The following ADAMTS6 variants were observed in gnomAD, a reference collection of about 807,000 sequenced individuals.
The protein encoded by ADAMTS6 is A disintegrin and metalloproteinase with thrombospondin motifs 6.
A neutral mutation model predicts 144.3 loss-of-function variants in ADAMTS6; 23 were observed. That is an observed-to-expected ratio of 0.16 (90% confidence interval 0.11 to 0.23). The LOEUF (loss-of-function observed/expected upper bound fraction) is 0.23. Ranked by LOEUF, ADAMTS6 falls within the 10% of genes least tolerant of loss-of-function variation. ADAMTS6 has a pLI of 1.00. For synonymous variants in ADAMTS6, 444 were observed against 457.5 expected (o/e 0.97, Z 0.38); for missense variants, 999 against 1,379.6 (o/e 0.72, Z 4.37).
chr5:65,210,502 G>T, intron 20 of ADAMTS6: 1 of 331,602 alleles, frequency 3.0e-6, no homozygotes. Flanking sequence ...GTTGATTGGA[G>T]ATGAATATAA....
intron 7 of ADAMTS6, among the ~76,000 whole-genome samples, chr5:65,400,870 C>G (rs564269801): frequency 6.6e-6 from 1 of 152,172 alleles, no homozygotes; most frequent in African/African-American, 2.4e-5. Context: ...TCCGTTACAG[C>G]GTTTTTGATC....
intron 7 of ADAMTS6, among the ~76,000 whole-genome samples, chr5:65,413,350 C>G (rs540307463): frequency 2.6e-4 from 39 of 152,238 alleles, no homozygotes; most frequent in Admixed American, 4.6e-4. Context: ...ACAGTTTTCC[C>G]AGGCAATTTT....
intron 7 of ADAMTS6, among the ~76,000 whole-genome samples, chr5:65,396,294 A>G (rs778117112): frequency 1.3e-5 from 2 of 152,204 alleles, no homozygotes; most frequent in Non-Finnish European, 2.9e-5. Flanking sequence ...AACCCTTTTA[A>G]TAATTATTGC....
At chr5:65,431,017 T>A (rs538135787) in intron 7 of ADAMTS6, among the ~76,000 whole-genome samples, 3 of 152,312 alleles carry the variant, frequency 2.0e-5, no homozygotes, top group South Asian at 4.1e-4. Context: ...TATCACTTAT[T>A]CAGTTGTATA....
chr5:65,159,746 C>G (rs1264027201), intron 24 of ADAMTS6, among the ~76,000 whole-genome samples: 2 of 152,192 alleles, frequency 1.3e-5, no homozygotes, highest in African/African-American at 4.8e-5. Flanking sequence ...CGTTCATAGT[C>G]TTGGTGCCTA....
chr5:65,199,730 C>CTCAT (rs1002733860), intron 20 of ADAMTS6, among the ~76,000 whole-genome samples: 16 of 152,198 alleles, frequency 1.1e-4, no homozygotes, highest in East Asian at 3.9e-4. Flanking sequence ...CATTCATTTA[C>CTCAT]TCATTCATTC....
At chr5:65,354,558 T>C (rs1200028738) in intron 7 of ADAMTS6, among the ~76,000 whole-genome samples, 2 of 151,866 alleles carry the variant, frequency 1.3e-5, no homozygotes, top group African/African-American at 4.8e-5. Flanking sequence ...TTATTAGATA[T>C]GGCTAATTCA....
At chr5:65,302,225 T>C (rs549556330) in intron 9 of ADAMTS6, among the ~76,000 whole-genome samples, 302 of 144,620 alleles carry the variant, frequency 2.1e-3, no homozygotes, top group African/African-American at 7.2e-3. Flanking sequence ...TATATACTTA[T>C]ACATATAATT....
chr5:65,426,105 G>A (rs1327727894), intron 7 of ADAMTS6, among the ~76,000 whole-genome samples: 2 of 149,328 alleles, frequency 1.3e-5, no homozygotes, highest in Admixed American at 6.7e-5. Flanking sequence ...AGAGTGCAAT[G>A]GTGCAATCTT....
chr5:65,356,105 T>C (rs773976343), intron 7 of ADAMTS6, among the ~76,000 whole-genome samples: 2 of 151,816 alleles, frequency 1.3e-5, no homozygotes, highest in Non-Finnish European at 3.0e-5. Flanking sequence ...GACATATTGT[T>C]AGACTACATT....
In ADAMTS6 at chr5:65,471,159, C is replaced by T. The variant is rs1315417983; in HGVS notation, c.98-17G>A. On this transcript the variant is annotated splice_polypyrimidine_tract_variant and intron_variant, in intron 2 of 24. Coordinates refer to ENST00000381055, the MANE Select transcript of ADAMTS6 (RefSeq NM_197941.4). ...GGAATTCCTCTTTGTAATCACAAGG[C>T]AGAGAATCCAGAAAAAAAACACATG... The T allele has an allele frequency of 6.4e-7, 1 of 1,555,274 alleles. No homozygotes were observed. Among genetic ancestry groups the T allele is most frequent in the East Asian group, 2.3e-5 (1 of 42,650 alleles).
chr5:65,406,027 T>C (rs1045519752), intron 7 of ADAMTS6, among the ~76,000 whole-genome samples: 2 of 152,102 alleles, frequency 1.3e-5, no homozygotes, highest in African/African-American at 2.4e-5. Context: ...AGTTGCTTAT[T>C]AGCTTAAGGA....
At chr5:65,293,893 C>T (rs185212232) in intron 10 of ADAMTS6, among the ~76,000 whole-genome samples, 6 of 152,162 alleles carry the variant, frequency 3.9e-5, no homozygotes, top group Non-Finnish European at 7.4e-5. Context: ...TACATTTTTA[C>T]AGAAGAATAA....
In ADAMTS6 at chr5:65,268,789, A is replaced by T. The variant is rs117349976; in HGVS notation, c.1620+4551T>A. Reference sequence around the variant, plus strand: ...AACAGTTCCCATACTTACATGGAACATTTGTGGAACTGCGCCCCTGGGCAG... The same window carrying T: ...AACAGTTCCCATACTTACATGGAACTTTTGTGGAACTGCGCCCCTGGGCAG... On this transcript the variant is annotated intron_variant, in intron 12 of 24. Coordinates refer to ENST00000381055, the MANE Select transcript of ADAMTS6 (RefSeq NM_197941.4). Among the ~76,000 whole-genome samples, 249 of 152,352 alleles carry T rather than the reference A, an allele frequency of 1.6e-3. 4 individuals are homozygous for T. The highest frequency in any genetic ancestry group is 0.014 in the East Asian group (71 of 5,186).
chr5:65,255,445 A>T (rs1017331105), intron 14 of ADAMTS6, among the ~76,000 whole-genome samples: 1 of 151,978 alleles, frequency 6.6e-6, no homozygotes, highest in Non-Finnish European at 1.5e-5. Flanking sequence ...CCATTGCATC[A>T]TTCTTATGCC....
At chr5:65,394,334 A>G (rs963734364) in intron 7 of ADAMTS6, among the ~76,000 whole-genome samples, 2 of 152,216 alleles carry the variant, frequency 1.3e-5, no homozygotes, top group African/African-American at 4.8e-5. Flanking sequence ...CAGCTGCTTC[A>G]GTCCCCTGCT....
intron 9 of ADAMTS6, among the ~76,000 whole-genome samples, chr5:65,316,149 C>T (rs1398288646): frequency 6.6e-6 from 1 of 152,082 alleles, no homozygotes; most frequent in African/African-American, 2.4e-5. Context: ...TGAGCTCAGG[C>T]AATCCGCCCA....
At chr5:65,403,634 G>C (rs1459844284) in intron 7 of ADAMTS6, among the ~76,000 whole-genome samples, 1 of 151,898 alleles carries the variant, frequency 6.6e-6, no homozygotes, top group Non-Finnish European at 1.5e-5. Context: ...TCTATTCCAA[G>C]TACATATTTA....
At position 65,262,861 on chromosome 5, in the gene ADAMTS6, G is replaced by A. The variant is rs1263132956; in HGVS notation, c.1722C>T (p.Cys574=). Residue 574 remains cysteine (C), a synonymous_variant, in exon 13 of 25, where the codon TGC becomes TGT. Transcript: ENST00000381055. ...TTAGGGATGAGGAGACGCCTCCCCC[G>A]CAGGTCCTGCTGCACTCTCCCCATA... is the stretch of plus-strand genomic sequence containing the variant. ...WSLWGECSRT[C]GGGVSSSLRH... is the part of the protein sequence containing the mutation. The A allele has an allele frequency of 4.4e-6, 7 of 1,584,598 alleles. No homozygotes were observed. Among genetic ancestry groups the A allele is most frequent in the Non-Finnish European group, 6.0e-6 (7 of 1,168,470 alleles).
Sources: gnomAD v4.1 joint callset for allele counts (sites outside exome capture counted in the v4.1 genomes callset) on GRCh38, gnomAD v4.1.1 for gene constraint, MANE v1.5 for transcripts, NCBI Gene and HGNC (gene_info 2026-07-23, HGNC 2026-07-21) for gene names.